NEK11: variants seen among roughly 807,000 people sequenced by gnomAD.
NEK11 encodes NIMA related kinase 11, also known as serine/threonine-protein kinase Nek11.
Under a neutral mutation model 80.7 loss-of-function variants are expected in NEK11, and 72 were observed. The ratio of observed to expected loss-of-function variants is 0.89; its 90% CI spans 0.74 to 1.08. The LOEUF (loss-of-function observed/expected upper bound fraction) is 1.08, where lower values mean the gene tolerates loss of function less well. NEK11 is among the 50% of genes least tolerant of loss of function. The probability of loss-of-function intolerance (pLI) is 0.00; values close to 1 mark genes in which losing one functional copy is unlikely to be tolerated. For missense variants in NEK11, 764 were observed against 763.6 expected (o/e 1.00, Z -0.01); for synonymous variants, 251 against 260.7 (o/e 0.96, Z 0.36).
intron 14 of NEK11, 151 bp downstream of exon 14, chr3:131,171,038 T>C (rs2092657359): frequency 2.9e-6 from 2 of 683,210 alleles, no homozygotes; most frequent in Middle Eastern, 3.1e-4. Context: ...ATGACCAGGA[T>C]GAAAAGTAGA....
chr3:131,143,484 T>C (rs2087426250), intron 7 of NEK11, among the ~76,000 whole-genome samples: 1 of 151,940 alleles, frequency 6.6e-6, no homozygotes, highest in East Asian at 1.9e-4. Flanking sequence ...TATTAAATTA[T>C]AATAAATATT....
intron 14 of NEK11, among the ~76,000 whole-genome samples, chr3:131,171,146 A>G (rs1319091876): frequency 6.6e-6 from 1 of 152,206 alleles, no homozygotes; most frequent in Non-Finnish European, 1.5e-5. Flanking sequence ...GGTGGGTTAA[A>G]CACTGTTGTC....
At chr3:131,320,414 T>C (rs1352316309) in intron 17 of NEK11, among the ~76,000 whole-genome samples, 3 of 152,118 alleles carry the variant, frequency 2.0e-5, no homozygotes, top group South Asian at 2.1e-4. Context: ...AAGGCTGGTG[T>C]TCTCCTCTTA....
At chr3:131,098,200 C>T (rs939044437) in intron 4 of NEK11, among the ~76,000 whole-genome samples, 10 of 152,148 alleles carry the variant, frequency 6.6e-5, no homozygotes, top group African/African-American at 2.2e-4. Context: ...ACCATAAAAA[C>T]CCTAGAAGAA....
chr3:131,166,859 T>C (rs1328677979), intron 12 of NEK11, among the ~76,000 whole-genome samples: 1 of 152,062 alleles, frequency 6.6e-6, no homozygotes, highest in Non-Finnish European at 1.5e-5. Flanking sequence ...GAAAACTGGG[T>C]GCATTTCTTC....
intron 14 of NEK11, among the ~76,000 whole-genome samples, chr3:131,197,462 C>G (rs2094064352): frequency 6.6e-6 from 1 of 152,112 alleles, no homozygotes; most frequent in South Asian, 2.1e-4. Flanking sequence ...AAGAGACAAA[C>G]TTAACAAGGA....
chr3:131,200,556 A>G (rs758467552), intron 14 of NEK11, among the ~76,000 whole-genome samples: 1 of 152,212 alleles, frequency 6.6e-6, no homozygotes, highest in Non-Finnish European at 1.5e-5. Flanking sequence ...TGGGATAAAC[A>G]TAGAAATTGA....
intron 17 of NEK11, among the ~76,000 whole-genome samples, chr3:131,301,475 C>T (rs1212665162): frequency 1.4e-5 from 2 of 145,258 alleles, no homozygotes; most frequent in African/African-American, 2.5e-5. Flanking sequence ...AATGCTACAG[C>T]TTTTTTTTTT....
At chr3:131,311,568 C>T (rs1420206809) in intron 17 of NEK11, among the ~76,000 whole-genome samples, 2 of 152,146 alleles carry the variant, frequency 1.3e-5, no homozygotes, top group South Asian at 4.1e-4. Flanking sequence ...TTATTATGAA[C>T]CTTGAATTAA....
At chr3:131,092,701 A>G (rs1022777005) in intron 4 of NEK11, 40 of 152,258 alleles carry the variant, frequency 2.6e-4, no homozygotes, top group Admixed American at 7.9e-4. Flanking sequence ...TATTTGAGAC[A>G]GATTTCTAAT....
intron 3 of NEK11, among the ~76,000 whole-genome samples, chr3:131,075,853 G>A (rs2074264187): frequency 6.6e-6 from 1 of 152,162 alleles, no homozygotes. Flanking sequence ...AGCAGAAAAG[G>A]ATTTGTTACA....
At chr3:131,132,639 G>A in intron 5 of NEK11, 106 bp from the exon 6 acceptor site, 1 of 616,588 alleles carries the variant, frequency 1.6e-6, no homozygotes, top group Non-Finnish European at 2.9e-6. Flanking sequence ...ATCTATGGGA[G>A]TATATATTTA....
chr3:131,274,019 A>G (rs1043465701), intron 17 of NEK11, among the ~76,000 whole-genome samples: 1 of 151,474 alleles, frequency 6.6e-6, no homozygotes. Flanking sequence ...CAGGTTAGTT[A>G]CATATGTATA....
chr3:131,075,728 GC>G (rs2074241123), intron 3 of NEK11, among the ~76,000 whole-genome samples: 1 of 152,134 alleles, frequency 6.6e-6, no homozygotes, highest in South Asian at 2.1e-4. Flanking sequence ...GGCTTTCATT[GC>G]CCCAAAGTGT....
intron 17 of NEK11, among the ~76,000 whole-genome samples, chr3:131,336,384 A>G (rs2110214042): frequency 6.6e-6 from 1 of 152,386 alleles, no homozygotes; most frequent in Non-Finnish European, 1.5e-5. Context: ...TCCCTATTTC[A>G]TAAATGGTGC....
At chr3:131,031,197 TA>T (rs1473506301) in intron 3 of NEK11, among the ~76,000 whole-genome samples, 1 of 152,238 alleles carries the variant, frequency 6.6e-6, no homozygotes, top group East Asian at 1.9e-4. Context: ...CCAGAATTTT[TA>T]AAAGCTGTAA....
intron 3 of NEK11, among the ~76,000 whole-genome samples, chr3:131,074,152 A>T (rs1308678238): frequency 1.3e-5 from 2 of 152,066 alleles, no homozygotes; most frequent in Non-Finnish European, 2.9e-5. Flanking sequence ...TACTTCCCAA[A>T]TTACTACTTG....
chr3:131,066,767 G>A (rs1406953468), intron 3 of NEK11, among the ~76,000 whole-genome samples: 1 of 151,532 alleles, frequency 6.6e-6, no homozygotes, highest in Non-Finnish European at 1.5e-5. Context: ...ACTTGAACTT[G>A]GGAGGCGGAG....
intron 16 of NEK11, among the ~76,000 whole-genome samples, chr3:131,258,354 A>G (rs1284125491): frequency 1.3e-5 from 2 of 152,200 alleles, no homozygotes; most frequent in Admixed American, 1.3e-4. Context: ...AAAAAAGAGA[A>G]GGAAGTACTG....
Sources: allele counts gnomAD v4.1 joint callset (sites outside exome capture counted in the v4.1 genomes callset), GRCh38; gene constraint gnomAD v4.1.1; transcripts MANE v1.5; gene names NCBI Gene and HGNC (gene_info 2026-07-23, HGNC 2026-07-21).